CLEC16A: variants seen among roughly 807,000 people sequenced by gnomAD.
The protein encoded by CLEC16A is C-type lectin domain containing 16A.
A neutral mutation model predicts 109.5 loss-of-function variants in CLEC16A; 51 were observed. The observed-to-expected ratio is 0.47, with a 90% CI of 0.37 to 0.59. CLEC16A has a LOEUF of 0.59. Among genes scored for constraint, CLEC16A ranks in the 20% least tolerant of loss-of-function variants. The pLI is 0.00. For synonymous variants in CLEC16A, 673 were observed against 564.2 expected, an observed-to-expected ratio of 1.19 and a Z score of -2.73; for missense variants, 1,339 against 1,394.0, an observed-to-expected ratio of 0.96 and a Z score of 0.63.
intron 2 of CLEC16A, among the ~76,000 whole-genome samples, chr16:10,960,741 T>C (rs963204745): frequency 6.6e-5 from 10 of 152,204 alleles, no homozygotes; most frequent in Admixed American, 5.2e-4. Context: ...TCATCTCTTC[T>C]CTCTCATTTA....
chr16:11,014,468 G>A (rs896222672), intron 11 of CLEC16A, among the ~76,000 whole-genome samples: 2 of 152,166 alleles, frequency 1.3e-5, no homozygotes, highest in Non-Finnish European at 2.9e-5. Flanking sequence ...ACCTACAAGT[G>A]GGCTGCTAGG....
chr16:11,009,586 T>C (rs2045273330), intron 11 of CLEC16A, among the ~76,000 whole-genome samples: 1 of 152,050 alleles, frequency 6.6e-6, no homozygotes, highest in Admixed American at 6.6e-5. Flanking sequence ...GAAACTTCAG[T>C]TGTGTGATGG....
rs759319881 is a variant in CLEC16A, at chr16:10,944,746, G to T, written c.29G>T (p.Gly10Val). 1 of 1,609,578 alleles carries T rather than the reference G, an allele frequency of 6.2e-7. No individual in the cohort carries two copies. Among genetic ancestry groups the T allele is most frequent in the South Asian group, 1.1e-5 (1 of 90,390 alleles). ...TTTGGCCGCTCGCGGAGCTGGGTGGGCGGGGGCCATGGCAAGACTTCCCGC... is the reference window on the plus strand; with the variant it reads ...TTTGGCCGCTCGCGGAGCTGGGTGGTCGGGGGCCATGGCAAGACTTCCCGC... Reference protein sequence around the residue: MFGRSRSWVGGGHGKTSRNI... With the variant: MFGRSRSWVVGGHGKTSRNI... Residue 10 changes from glycine (G) to valine (V), a missense_variant, in exon 1 of 24, where the codon GGC becomes GTC. Physicochemically the swap from Gly to Val is moderately radical, Grantham distance 109. This residue lies in a region of CLEC16A where 117 missense variants were observed against 120.2 expected (regional missense o/e 0.97). Transcript: ENST00000409790.
intron 23 of CLEC16A, among the ~76,000 whole-genome samples, chr16:11,172,554 T>G (rs1346569386): frequency 6.6e-6 from 1 of 152,174 alleles, no homozygotes; most frequent in Non-Finnish European, 1.5e-5. Context: ...ATTTTTAATT[T>G]GGGGGAGCAC....
intron 22 of CLEC16A, among the ~76,000 whole-genome samples, chr16:11,145,483 A>G (rs1321747168): frequency 6.6e-6 from 1 of 152,246 alleles, no homozygotes; most frequent in Non-Finnish European, 1.5e-5. Context: ...CAGTCATGAC[A>G]AGGACCTCTC....
At chr16:11,147,055 G>C (rs373365614) in intron 22 of CLEC16A, among the ~76,000 whole-genome samples, 1 of 152,144 alleles carries the variant, frequency 6.6e-6, no homozygotes, top group African/African-American at 2.4e-5. Flanking sequence ...CTGGGAGGAG[G>C]AGGTAGAGGA....
chr16:10,966,776 A>G (rs1054830391), intron 3 of CLEC16A, among the ~76,000 whole-genome samples: 1 of 152,180 alleles, frequency 6.6e-6, no homozygotes, highest in Admixed American at 6.5e-5. Context: ...CGAGAACAGG[A>G]TGGGGGAAAC....
intron 15 of CLEC16A, 62 bp from the exon 16 acceptor site, chr16:11,043,966 T>C: frequency 7.3e-7 from 1 of 1,361,768 alleles, no homozygotes; most frequent in African/African-American, 1.5e-5. Flanking sequence ...AATTCGTAGT[T>C]TGCCCGACTT....
At chr16:10,951,156 G>A (rs1467228250) in intron 1 of CLEC16A, among the ~76,000 whole-genome samples, 3 of 152,194 alleles carry the variant, frequency 2.0e-5, no homozygotes, top group East Asian at 1.9e-4. Context: ...CACCTCGAGT[G>A]TGTTGGTTAC....
At chr16:11,049,892 G>A (rs904813508) in intron 17 of CLEC16A, among the ~76,000 whole-genome samples, 1 of 152,196 alleles carries the variant, frequency 6.6e-6, no homozygotes, top group Non-Finnish European at 1.5e-5. Flanking sequence ...TTGGAGTGGG[G>A]GACCTCAGGC....
chr16:11,023,925 G>A (rs1319706693), intron 12 of CLEC16A, among the ~76,000 whole-genome samples: 1 of 152,176 alleles, frequency 6.6e-6, no homozygotes, highest in Non-Finnish European at 1.5e-5. Flanking sequence ...CTATTCTCCT[G>A]GTGTTGAAGA....
At chr16:11,163,079 G>T (rs767019) in intron 22 of CLEC16A, among the ~76,000 whole-genome samples, 61,697 of 152,076 alleles carry the variant, frequency 0.41, 12,879 homozygotes, top group South Asian at 0.48. Flanking sequence ...CGCAGCCCAA[G>T]TGTGTTTGAT....
chr16:10,983,890 C>G (rs895330976), intron 10 of CLEC16A, among the ~76,000 whole-genome samples: 11 of 150,404 alleles, frequency 7.3e-5, no homozygotes, highest in Admixed American at 2.0e-4. Context: ...GCAGGGATCT[C>G]ACCTGTCACT....
At chr16:10,949,847 C>G (rs1237683690) in intron 1 of CLEC16A, among the ~76,000 whole-genome samples, 1 of 152,160 alleles carries the variant, frequency 6.6e-6, no homozygotes, top group Non-Finnish European at 1.5e-5. Context: ...CTGCTGTCAT[C>G]CAGGTGTATC....
chr16:10,976,742 C>T (rs1222747474), intron 7 of CLEC16A, among the ~76,000 whole-genome samples: 2 of 152,092 alleles, frequency 1.3e-5, no homozygotes, highest in African/African-American at 4.8e-5. Flanking sequence ...TGCTGGGAGA[C>T]GGAGACCTCC....
intron 19 of CLEC16A, among the ~76,000 whole-genome samples, chr16:11,083,259 C>T (rs1409524430): frequency 6.6e-6 from 1 of 152,154 alleles, no homozygotes; most frequent in East Asian, 1.9e-4. Context: ...AACTCCTGGG[C>T]TCAAGCAATC....
intron 13 of CLEC16A, among the ~76,000 whole-genome samples, 190 bp downstream of exon 13, chr16:11,025,111 C>G (rs1170270561): frequency 1.3e-5 from 2 of 152,140 alleles, no homozygotes; most frequent in African/African-American, 4.8e-5. Context: ...TGTTTTTCTA[C>G]CAACTGAAGC....
At chr16:11,037,579 A>G (rs1401157918) in intron 13 of CLEC16A, among the ~76,000 whole-genome samples, 1 of 152,202 alleles carries the variant, frequency 6.6e-6, no homozygotes, top group Non-Finnish European at 1.5e-5. Flanking sequence ...AATGATAGGA[A>G]AGAAACAAAA....
chr16:11,134,173 C>A (rs1597506912), intron 22 of CLEC16A, among the ~76,000 whole-genome samples: 1 of 149,032 alleles, frequency 6.7e-6, no homozygotes, highest in Middle Eastern at 3.5e-3. Flanking sequence ...TGTGAATTCC[C>A]CTTTTCTGAT....
Sources: gnomAD v4.1 joint callset for allele counts (sites outside exome capture counted in the v4.1 genomes callset) on GRCh38, gnomAD v4.1.1 for gene constraint, gnomAD v4.1.1 regional missense constraint, MANE v1.5 for transcripts, NCBI Gene and HGNC (gene_info 2026-07-23, HGNC 2026-07-21) for gene names.